The following IFT140 variants were observed in gnomAD, a reference collection of about 807,000 sequenced individuals.
IFT140 encodes the protein intraflagellar transport protein 140 homolog.
IFT140 carries 133 observed loss-of-function variants against 164.6 expected under a neutral mutation model. The ratio of observed to expected loss-of-function variants is 0.81; its 90% CI spans 0.70 to 0.93. The LOEUF is 0.93. Ranked by LOEUF, IFT140 falls within the 40% of genes least tolerant of loss-of-function variation. The pLI is 0.00. For missense variants in IFT140, 2,045 were observed against 1,972.3 expected (o/e 1.04, Z -0.70); for synonymous variants, 860 against 817.3 (o/e 1.05, Z -0.89).
intron 8 of IFT140, 99 bp downstream of exon 8, chr16:1,587,834 T>C (rs917037945): frequency 3.9e-5 from 35 of 892,916 alleles, no homozygotes; most frequent in Non-Finnish European, 5.4e-5. Flanking sequence ...GCATCATATG[T>C]GCATTTTACA....
In IFT140 at chr16:1,580,745, G is replaced by A; in HGVS notation, c.1524+14C>T. 1 of 1,589,068 alleles carries A rather than the reference G, an allele frequency of 6.3e-7. No homozygotes were observed. Among genetic ancestry groups the A allele is most frequent in the Non-Finnish European group, 8.6e-7 (1 of 1,157,250 alleles). On this transcript the variant is annotated intron_variant, in intron 13 of 30. Coordinates refer to ENST00000426508, the MANE Select transcript of IFT140 (RefSeq NM_014714.4). ...ACTCTGCTCTGGTTTTCTTGCAGTG[G>A]AGCAGCAACTTACCTGCCAGGTTCG...
At chr16:1,594,346 G>A (rs370045170) in intron 4 of IFT140, among the ~76,000 whole-genome samples, 4 of 151,654 alleles carry the variant, frequency 2.6e-5, no homozygotes, top group South Asian at 2.1e-4. Flanking sequence ...TCAGCCTCCC[G>A]AGTAGCTGGG....
At chr16:1,602,255 C>T in intron 4 of IFT140, 115 bp downstream of exon 4, 1 of 934,396 alleles carries the variant, frequency 1.1e-6, no homozygotes, top group East Asian at 2.7e-5. Context: ...TTGCATCTGA[C>T]AAGATCAACT....
intron 2 of IFT140, among the ~76,000 whole-genome samples, chr16:1,609,771 CAAG>C (rs2036248351): frequency 6.6e-6 from 1 of 152,278 alleles, no homozygotes; most frequent in Non-Finnish European, 1.5e-5. Context: ...AAAGTTAACA[CAAG>C]GAGGAGAGAT....
chr16:1,593,471 C>T (rs553593676), intron 4 of IFT140, among the ~76,000 whole-genome samples: 3 of 152,142 alleles, frequency 2.0e-5, no homozygotes, highest in South Asian at 2.1e-4. Flanking sequence ...GCCACCACAC[C>T]CAGCTAATTT....
chr16:1,552,381 C>T (rs1340494771), intron 19 of IFT140, among the ~76,000 whole-genome samples: 1 of 152,130 alleles, frequency 6.6e-6, no homozygotes, highest in African/African-American at 2.4e-5. Context: ...CCTGAGCTCT[C>T]CGCTGTGCCT....
intron 26 of IFT140, 133 bp from the exon 27 acceptor site, chr16:1,520,941 T>C (rs1445435412): frequency 8.3e-6 from 6 of 725,326 alleles, no homozygotes; most frequent in Non-Finnish European, 1.3e-5. Flanking sequence ...GGGGTGGGTA[T>C]GGAGGGGACA....
chr16:1,511,220 G>C (rs1596281243), intron 30 of IFT140, 70 bp from the exon 31 acceptor site: 2 of 1,445,088 alleles, frequency 1.4e-6, no homozygotes, highest in Non-Finnish European at 1.9e-6. Context: ...CTGCAGGCCA[G>C]GCACGTGCTG....
At chr16:1,570,592 T>G (rs1289895554) in intron 14 of IFT140, among the ~76,000 whole-genome samples, 1 of 152,200 alleles carries the variant, frequency 6.6e-6, no homozygotes, top group African/African-American at 2.4e-5. Flanking sequence ...CGAGCTCCTG[T>G]GCAGTTCCTT....
intron 29 of IFT140, 57 bp from the exon 30 acceptor site, chr16:1,518,414 A>G (rs952357425): frequency 5.3e-5 from 82 of 1,542,196 alleles, no homozygotes; most frequent in Middle Eastern, 1.7e-4. Flanking sequence ...TACTGCTATC[A>G]GAGGTCAGAG....
At chr16:1,561,100 T>A (rs1258545972) in intron 18 of IFT140, among the ~76,000 whole-genome samples, 3 of 152,176 alleles carry the variant, frequency 2.0e-5, no homozygotes, top group Admixed American at 2.0e-4. Context: ...CAGGCTCCTC[T>A]CTGAAAAATC....
At chr16:1,593,981 C>T (rs1409300219) in intron 4 of IFT140, among the ~76,000 whole-genome samples, 3 of 152,226 alleles carry the variant, frequency 2.0e-5, no homozygotes, top group African/African-American at 7.2e-5. Flanking sequence ...CCTGCCTCTT[C>T]ACCACCATTA....
intron 18 of IFT140, among the ~76,000 whole-genome samples, chr16:1,558,627 G>C (rs563064674): frequency 6.6e-6 from 1 of 152,280 alleles, no homozygotes; most frequent in South Asian, 2.1e-4. Context: ...CCTGGAAATC[G>C]GTGCTCCCGA....
In IFT140 at chr16:1,525,316, A is replaced by G; in HGVS notation, c.2779T>C (p.Ser927Pro). 1 of 1,611,688 alleles carries G rather than the reference A, an allele frequency of 6.2e-7. No homozygotes were observed. The highest frequency in any genetic ancestry group is 8.5e-7 in the Non-Finnish European group (1 of 1,179,614). ...GGCACCTCGAAGCGGTGCGTGTCCG[A>G]CTTCTCGTAGCTGTGAGAGAAGGAG... is the stretch of plus-strand genomic sequence containing the variant. ...CSRALSYYEK[S>P]DTHRFEVPRM... Residue 927 changes from serine (S) to proline (P), a missense_variant, in exon 22 of 31, where the codon TCG (serine) becomes CCG (proline). Transcript: ENST00000426508.
Position 1,553,875 on chromosome 16 carries a change from G to C in IFT140, c.2399+4060C>G. ...CTGTTATCCTAGTTGGTAGACTCTA[G>C]TCACGAAACCCTGATTTTCCTGTTG... is the stretch of plus-strand genomic sequence containing the variant. On this transcript the variant is annotated intron_variant, in intron 19 of 30. Transcript: ENST00000426508. This position sits in a 1 kb window ranked among gnomAD's most constrained non-coding sequence, Gnocchi z 4.4. The C allele has an allele frequency of 8.0e-7, 1 of 1,254,676 alleles. No homozygotes were observed. The highest frequency in any genetic ancestry group is 2.5e-5 in the Admixed American group (1 of 40,136). The allele number at this position is 1,254,676 out of a possible 1,614,324, so 77.7% of individuals were successfully genotyped here.
intron 26 of IFT140, among the ~76,000 whole-genome samples, chr16:1,522,712 C>T (rs1023998626): frequency 6.6e-6 from 1 of 152,106 alleles, no homozygotes; most frequent in African/African-American, 2.4e-5. Context: ...GTGGCAGGCA[C>T]CTGTAGTCCC....
At chr16:1,607,986 A>T (rs2036158869) in intron 2 of IFT140, among the ~76,000 whole-genome samples, 1 of 152,236 alleles carries the variant, frequency 6.6e-6, no homozygotes, top group Non-Finnish European at 1.5e-5. Context: ...CTGCTCCAGA[A>T]AAGAGTACTG....
At chr16:1,587,073 T>C (rs557315248) in intron 9 of IFT140, 125 bp downstream of exon 9, 6 of 686,952 alleles carry the variant, frequency 8.7e-6, no homozygotes, top group Non-Finnish European at 1.5e-5. Context: ...ACTATTTGAA[T>C]GGCTGTGAGT....
At chr16:1,534,275 G>A (rs79799097) in intron 19 of IFT140, 8 of 1,610,900 alleles carry the variant, frequency 5.0e-6, no homozygotes, top group South Asian at 2.2e-5. Context: ...CGGCGTCAGC[G>A]ATGACCGTGC....
Sources: gnomAD v4.1 joint callset for allele counts (sites outside exome capture counted in the v4.1 genomes callset) on GRCh38, gnomAD v4.1.1 for gene constraint, Gnocchi (gnomAD v3.1) non-coding constraint, MANE v1.5 for transcripts, NCBI Gene and HGNC (gene_info 2026-07-23, HGNC 2026-07-21) for gene names.